COL4A3: variants seen among roughly 807,000 people sequenced by gnomAD.
COL4A3 encodes collagen alpha-3(IV) chain.
A neutral mutation model predicts 217.4 loss-of-function variants in COL4A3; 135 were observed. The observed-to-expected ratio is 0.62, with a 90% CI of 0.54 to 0.72. The LOEUF (loss-of-function observed/expected upper bound fraction) is 0.72. Ranked by LOEUF, COL4A3 falls within the 30% of genes least tolerant of loss-of-function variation. The pLI, the probability that COL4A3 is intolerant of heterozygous loss-of-function variation, is 0.00. For missense variants in COL4A3, 1,868 were observed against 2,119.9 expected (o/e 0.88, Z 2.33); for synonymous variants, 690 against 736.3 (o/e 0.94, Z 1.02).
intron 38 of COL4A3, chr2:227,294,277 C>T (rs1445210804): frequency 5.1e-6 from 3 of 582,756 alleles, no homozygotes; most frequent in Admixed American, 2.9e-5. Flanking sequence ...GGTTGGTGTA[C>T]ACACATCTTT....
chr2:227,269,660 CAG>C (rs1245422484), intron 23 of COL4A3, among the ~76,000 whole-genome samples: 1 of 151,730 alleles, frequency 6.6e-6, no homozygotes, highest in East Asian at 1.9e-4. Flanking sequence ...AATATATACT[CAG>C]AAAAAATAAA....
intron 1 of COL4A3, among the ~76,000 whole-genome samples, chr2:227,235,153 TTG>T: frequency 9.0e-6 from 1 of 110,688 alleles, no homozygotes; most frequent in South Asian, 2.8e-4. Context: ...CACTGAGGAC[TTG>T]CATTTCTGAG....
At chr2:227,240,719 T>C (rs1382151292) in intron 3 of COL4A3, among the ~76,000 whole-genome samples, 1 of 152,230 alleles carries the variant, frequency 6.6e-6, no homozygotes, top group Non-Finnish European at 1.5e-5. Context: ...CTTTTAGGTC[T>C]TGTGACCAAA....
intron 1 of COL4A3, among the ~76,000 whole-genome samples, chr2:227,234,264 AC>A (rs764556632): frequency 2.4e-4 from 37 of 152,228 alleles, no homozygotes; most frequent in Middle Eastern, 3.4e-3. Flanking sequence ...ATGGGAGGAG[AC>A]ACCAGTGTTT....
intron 25 of COL4A3, among the ~76,000 whole-genome samples, chr2:227,271,938 T>A (rs1161396110): frequency 2.0e-5 from 3 of 152,122 alleles, no homozygotes; most frequent in Non-Finnish European, 2.9e-5. Flanking sequence ...CTCAAAGAGG[T>A]TTGGAGAAAC....
intron 34 of COL4A3, among the ~76,000 whole-genome samples, chr2:227,285,986 G>C (rs1046361635): frequency 6.6e-6 from 1 of 152,208 alleles, no homozygotes; most frequent in Non-Finnish European, 1.5e-5. Context: ...ATGTGGAAGA[G>C]ATATTGAATA....
At chr2:227,243,590 C>G (rs903467920) in intron 3 of COL4A3, among the ~76,000 whole-genome samples, 1 of 152,148 alleles carries the variant, frequency 6.6e-6, no homozygotes, top group Non-Finnish European at 1.5e-5. Flanking sequence ...CTGTAACAAC[C>G]CTTTTCTCAA....
rs761819520 is a variant in COL4A3, at chr2:227,257,612, G to A, written c.997G>A (p.Gly333Arg). 1 of 1,613,766 alleles carries A rather than the reference G, an allele frequency of 6.2e-7. No homozygotes were observed. The highest frequency in any genetic ancestry group is 8.5e-7 in the Non-Finnish European group (1 of 1,179,672). ...ATGTCTTTCACTGTAGGGACAGAAA[G>A]GGGACATTGGCCCTCCAGGATTTCG... The part of the protein sequence containing the change: ...MGEDGIKGQK[G>R]DIGPPGFRGP... The change falls in exon 18 of 52, where the codon GGG (glycine) becomes AGG (arginine). Residue 333 changes from glycine to arginine, a missense_variant. By Grantham distance (125) the Gly-to-Arg change is moderately radical. Coordinates refer to ENST00000396578, the MANE Select transcript of COL4A3 (RefSeq NM_000091.5).
chr2:227,245,671 C>T (rs1412248975), intron 5 of COL4A3: 1 of 485,534 alleles, frequency 2.1e-6, no homozygotes, highest in Non-Finnish European at 3.7e-6. Context: ...TTCCTTTCTC[C>T]CCAGCTTAAA....
chr2:227,194,273 C>T (rs1270548151), intron 1 of COL4A3, among the ~76,000 whole-genome samples: 2 of 152,146 alleles, frequency 1.3e-5, no homozygotes, highest in African/African-American at 2.4e-5. Context: ...TCAGGTAAAC[C>T]GTCTGAGATA....
At position 227,273,087 on chromosome 2, in the gene COL4A3, C is replaced by A. The variant is rs1365798663; in HGVS notation, c.1897C>A (p.Pro633Thr). 6.2e-7 allele frequency: 1 copy of A among 1,613,824 alleles called. No individual in the cohort carries two copies. The highest frequency in any genetic ancestry group is 8.5e-7 in the Non-Finnish European group (1 of 1,180,018). ...TGGTCTCCAGGGCACGCAAGGAGTT[C>A]CTGGAGCCCCCGGACCACCCGGAGA... ...EPGLQGTQGVPGAPGPPGEAG... is the reference protein window; with the variant it reads ...EPGLQGTQGVTGAPGPPGEAG... Residue 633 changes from proline (P) to threonine (T), a missense_variant, in exon 26 of 52, where the codon CCT becomes ACT. Coordinates refer to ENST00000396578, the MANE Select transcript of COL4A3 (RefSeq NM_000091.5).
intron 26 of COL4A3, among the ~76,000 whole-genome samples, chr2:227,275,326 G>A (rs4387787): frequency 0.81 from 122,450 of 151,916 alleles, 49,949 homozygotes; most frequent in Non-Finnish European, 0.88. Context: ...GATTACAGGC[G>A]CACACCACCA....
chr2:227,237,904 C>A, intron 1 of COL4A3, 64 bp from the exon 2 acceptor site: 1 of 1,232,574 alleles, frequency 8.1e-7, no homozygotes, highest in Non-Finnish European at 1.2e-6. Context: ...TTTGCTTTTA[C>A]CCTGCCGGTT....
Position 227,259,862 on chromosome 2 carries a change from G to T in COL4A3, c.1099G>T (p.Ala367Ser), listed in dbSNP as rs2070435335. 1.2e-6 allele frequency: 2 copies of T among 1,612,908 alleles called. No homozygotes were observed. Residue 367 changes from alanine to serine, a missense_variant, in exon 19 of 52, where the codon GCT (alanine) becomes TCT (serine). Around this residue, in one of 2 missense-constraint regions of COL4A3, gnomAD observed 1,503 missense variants for 1,786.1 expected, o/e 0.84. Transcript: ENST00000396578. The stretch of plus-strand genomic sequence containing the variant: ...TCCAGGCCCACCAGGGCCCAGAGGA[G>T]CTCGTGGCCCACAAGGTAAGAATAA... ...GTPGPPGPRG[A>S]RGPQGPSGPP... is the part of the protein sequence containing the mutation.
At chr2:227,231,306 G>A (rs915969620) in intron 1 of COL4A3, among the ~76,000 whole-genome samples, 11 of 152,110 alleles carry the variant, frequency 7.2e-5, no homozygotes, top group African/African-American at 1.9e-4. Flanking sequence ...AGCTGGAGGC[G>A]TCCCCCTAGT....
intron 1 of COL4A3, 82 bp from the exon 2 acceptor site, chr2:227,237,886 G>T: frequency 1.0e-6 from 1 of 990,380 alleles, no homozygotes; most frequent in South Asian, 1.3e-5. Flanking sequence ...GAAGAACAGA[G>T]AAATGCATTT....
At chr2:227,202,053 A>G (rs2066706814) in intron 1 of COL4A3, among the ~76,000 whole-genome samples, 1 of 152,206 alleles carries the variant, frequency 6.6e-6, no homozygotes, top group Admixed American at 6.5e-5. Context: ...GTTTGATTTC[A>G]CGATTGGTTA....
rs577799724 is a variant in COL4A3, at chr2:227,178,061, C to A, written c.87+13248C>A. On this transcript the variant is annotated intron_variant, in intron 1 of 51. Transcript: ENST00000396578. Reference sequence around the variant, plus strand: ...CTACGGTAAGAACAAATCTTCTATTCATGAAATTGTGAAGAAGGAAAAAGA... The same window carrying A: ...CTACGGTAAGAACAAATCTTCTATTAATGAAATTGTGAAGAAGGAAAAAGA... 3.9e-5 allele frequency among the ~76,000 whole-genome samples: 6 copies of A among 152,114 alleles called. No individual in the cohort carries two copies. In the South Asian group the frequency reaches 1.2e-3, roughly 31 times the overall value.
At chr2:227,210,156 T>C (rs956090896) in intron 1 of COL4A3, among the ~76,000 whole-genome samples, 5 of 152,242 alleles carry the variant, frequency 3.3e-5, no homozygotes, top group African/African-American at 1.2e-4. Context: ...CCTTAACTGA[T>C]GTTAAATATT....
Sources: allele counts gnomAD v4.1 joint callset (sites outside exome capture counted in the v4.1 genomes callset), GRCh38; gene constraint gnomAD v4.1.1; regional missense constraint gnomAD v4.1.1; transcripts MANE v1.5; gene names NCBI Gene and HGNC (gene_info 2026-07-23, HGNC 2026-07-21).